The following CDH13 variants were observed in gnomAD, a reference collection of about 807,000 sequenced individuals.
CDH13 encodes the protein cadherin-13.
CDH13 carries 24 observed loss-of-function variants against 63.8 expected under a neutral mutation model. The ratio of observed to expected loss-of-function variants is 0.38; its 90% CI spans 0.27 to 0.53. The LOEUF (loss-of-function observed/expected upper bound fraction) is 0.53. Ranked by LOEUF, CDH13 falls within the 20% of genes least tolerant of loss-of-function variation. The pLI is 0.85. For missense variants in CDH13, 1,049 were observed against 903.1 expected (o/e 1.16, Z -2.07); for synonymous variants, 503 against 355.3 (o/e 1.42, Z -4.67).
chr16:83,028,823 C>G (rs1435908294), intron 2 of CDH13, among the ~76,000 whole-genome samples: 2 of 152,072 alleles, frequency 1.3e-5, no homozygotes, highest in South Asian at 2.1e-4. Flanking sequence ...TTGAAGAAAG[C>G]CAAGCCATGG....
At chr16:83,323,786 C>G (rs2090294622) in intron 5 of CDH13, among the ~76,000 whole-genome samples, 1 of 152,182 alleles carries the variant, frequency 6.6e-6, no homozygotes. Context: ...TCTTCACTAG[C>G]CCATACAGTT....
intron 2 of CDH13, among the ~76,000 whole-genome samples, chr16:82,945,525 T>C (rs1326281039): frequency 6.6e-6 from 1 of 152,144 alleles, no homozygotes; most frequent in African/African-American, 2.4e-5. Flanking sequence ...ACAATAACAA[T>C]AATAACAAAA....
At chr16:83,337,154 G>T (rs962594495) in intron 5 of CDH13, among the ~76,000 whole-genome samples, 8 of 152,186 alleles carry the variant, frequency 5.3e-5, no homozygotes, top group Non-Finnish European at 2.9e-5. Flanking sequence ...TTAGTGTGGT[G>T]AATTAATTGG....
intron 2 of CDH13, among the ~76,000 whole-genome samples, chr16:82,911,474 A>C (rs1000690338): frequency 6.6e-6 from 1 of 152,226 alleles, no homozygotes; most frequent in Non-Finnish European, 1.5e-5. Flanking sequence ...CTACATACGG[A>C]ATCTTGATGT....
intron 1 of CDH13, among the ~76,000 whole-genome samples, chr16:82,697,784 TGTG>T (rs1567638877): frequency 9.5e-4 from 109 of 114,928 alleles, no homozygotes; most frequent in African/African-American, 3.3e-3. Context: ...TGTGTGTGTG[TGTG>T]TAAGTTTTTT....
chr16:83,052,359 T>C (rs934827796), intron 3 of CDH13, among the ~76,000 whole-genome samples: 1 of 152,224 alleles, frequency 6.6e-6, no homozygotes, highest in Non-Finnish European at 1.5e-5. Context: ...CAGGTTCATA[T>C]ATTTTCATCT....
intron 1 of CDH13, among the ~76,000 whole-genome samples, chr16:82,783,766 T>C (rs1229362616): frequency 6.6e-6 from 1 of 152,100 alleles, no homozygotes; most frequent in African/African-American, 2.4e-5. Flanking sequence ...TGATGTAGAA[T>C]TACTAGGGCA....
intron 1 of CDH13, among the ~76,000 whole-genome samples, chr16:82,670,586 G>T (rs915698427): frequency 1.8e-4 from 28 of 152,206 alleles, no homozygotes; most frequent in Admixed American, 1.2e-3. Flanking sequence ...TAGAAGGACA[G>T]ATGGGGCTAT....
chr16:82,889,168 T>G (rs1291280909), intron 2 of CDH13, among the ~76,000 whole-genome samples: 1 of 152,198 alleles, frequency 6.6e-6, no homozygotes, highest in Non-Finnish European at 1.5e-5. Flanking sequence ...TTCCTTTTGT[T>G]CAAAAAATAC....
intron 2 of CDH13, among the ~76,000 whole-genome samples, chr16:82,949,829 C>G (rs185884768): frequency 2.6e-5 from 4 of 152,156 alleles, no homozygotes; most frequent in African/African-American, 9.6e-5. Flanking sequence ...TTTACAGACT[C>G]AAAATGAATG....
chr16:82,744,207 C>G (rs1332715969), intron 1 of CDH13, among the ~76,000 whole-genome samples: 1 of 152,140 alleles, frequency 6.6e-6, no homozygotes, highest in Non-Finnish European at 1.5e-5. Context: ...ACCCAGGAAG[C>G]AAATACCTGG....
intron 4 of CDH13, among the ~76,000 whole-genome samples, chr16:83,207,745 T>A: frequency 6.9e-6 from 1 of 145,828 alleles, no homozygotes; most frequent in African/African-American, 2.6e-5. Flanking sequence ...TACTTAGAAA[T>A]TAACAAATAC....
At chr16:83,606,103 T>G (rs1908305828) in intron 8 of CDH13, among the ~76,000 whole-genome samples, 1 of 152,170 alleles carries the variant, frequency 6.6e-6, no homozygotes, top group South Asian at 2.1e-4. Flanking sequence ...GATCTTGAAG[T>G]TGAAACAAAT....
At chr16:83,084,238 C>G (rs1477197146) in intron 3 of CDH13, among the ~76,000 whole-genome samples, 4 of 152,186 alleles carry the variant, frequency 2.6e-5, no homozygotes, top group African/African-American at 9.7e-5. Context: ...AAGTGTGTGA[C>G]TGTGGCGAAT....
intron 7 of CDH13, among the ~76,000 whole-genome samples, chr16:83,539,166 G>T (rs1019827132): frequency 6.6e-6 from 1 of 152,126 alleles, no homozygotes; most frequent in Non-Finnish European, 1.5e-5. Flanking sequence ...TTTTGTGGAA[G>T]ACAATTTTTC....
At chr16:82,689,041 T>G (rs1026965178) in intron 1 of CDH13, 3 of 152,240 alleles carry the variant, frequency 2.0e-5, no homozygotes, top group Non-Finnish European at 4.4e-5. Context: ...CTAGGTCAGC[T>G]GTCTTTCACA....
chr16:83,592,060 C>T (rs925788501), intron 7 of CDH13, among the ~76,000 whole-genome samples: 2 of 152,156 alleles, frequency 1.3e-5, no homozygotes, highest in African/African-American at 2.4e-5. Flanking sequence ...TCAACTGTCC[C>T]CTCCTTTGTA....
At chr16:83,326,375 A>G (rs1317177979) in intron 5 of CDH13, among the ~76,000 whole-genome samples, 1 of 151,298 alleles carries the variant, frequency 6.6e-6, no homozygotes, top group Non-Finnish European at 1.5e-5. Flanking sequence ...CAAGGATTGG[A>G]GAAACATCAT....
At chr16:82,899,396 T>G (rs2041381050) in intron 2 of CDH13, among the ~76,000 whole-genome samples, 1 of 152,236 alleles carries the variant, frequency 6.6e-6, no homozygotes, top group South Asian at 2.1e-4. Context: ...AAAGCCATGT[T>G]TTATCTGCAA....
Sources: allele counts gnomAD v4.1 joint callset (sites outside exome capture counted in the v4.1 genomes callset), GRCh38; gene constraint gnomAD v4.1.1; transcripts MANE v1.5; gene names NCBI Gene and HGNC (gene_info 2026-07-23, HGNC 2026-07-21).